The following OR2A14 variants were observed in gnomAD, a reference collection of about 807,000 sequenced individuals.
The protein encoded by OR2A14 is olfactory receptor family 2 subfamily A member 14, also known as olfactory receptor 2A14.
Under a neutral mutation model 2.4 loss-of-function variants are expected in OR2A14, and 2 were observed. That is an observed-to-expected ratio of 0.85 (90% confidence interval 0.35 to 2.67). The LOEUF is 2.67. Ranked by LOEUF, OR2A14 falls within the 30% of genes most tolerant of loss-of-function variation. OR2A14 has a pLI of 0.10. For missense variants in OR2A14, 390 were observed against 379.4 expected (o/e 1.03, Z -0.23); for synonymous variants, 160 against 156.3 (o/e 1.02, Z -0.18).
chr7:144,128,924 ATTC>A (rs1185557885), intron 1 of OR2A14, 152 bp from the exon 2 acceptor site: 4 of 578,798 alleles, frequency 6.9e-6, no homozygotes, highest in African/African-American at 3.9e-5. Context: ...ACATGTATGT[ATTC>A]TTATTATTCC....
chr7:144,128,188 C>A (rs2051496618), intron 1 of OR2A14, among the ~76,000 whole-genome samples: 2 of 152,122 alleles, frequency 1.3e-5, no homozygotes, highest in South Asian at 4.1e-4. Context: ...AAGTTATAAT[C>A]GAGAAAAGAG....
rs1376098117 is a variant in OR2A14 at position 144,130,634 on chromosome 7, A to G, written c.*589A>G. The G allele has an allele frequency of 1.3e-5, 2 of 152,252 alleles. No individual in the cohort carries two copies. The highest frequency in any genetic ancestry group is 6.5e-5 in the Admixed American group (1 of 15,280). 9.4% of individuals were successfully genotyped at this position (152,252 alleles called of 1,614,324 possible). A position where few individuals can be genotyped will look rare whatever the true frequency, so the allele number is the denominator to read the frequency against. The stretch of plus-strand genomic sequence containing the variant: ...CCCACTAAGATGTCTGAAATTTTTA[A>G]TGGCTTATTTATCATTGAGGTTATT... On this transcript the variant is annotated 3_prime_UTR_variant, in exon 2 of 2. Coordinates refer to ENST00000641068, the MANE Select transcript of OR2A14 (RefSeq NM_001001659.3).
chr7:144,131,159 C>G lies in OR2A14; in HGVS notation c.*1114C>G, dbSNP rs1426906622. On this transcript the variant is annotated 3_prime_UTR_variant, in exon 2 of 2. Transcript: ENST00000641068. Reference sequence around the variant, plus strand: ...TCTAAAATATGCCATGACTCAATAGCCAGTGGACTGTAAATATTCATGGTT... The same window carrying G: ...TCTAAAATATGCCATGACTCAATAGGCAGTGGACTGTAAATATTCATGGTT... 2 of 152,166 alleles carry G rather than the reference C, an allele frequency of 1.3e-5. No individual in the cohort carries two copies. Among genetic ancestry groups the G allele is most frequent in the African/African-American group, 4.8e-5 (2 of 41,444 alleles). 9.4% of individuals were successfully genotyped at this position (152,166 alleles called of 1,614,324 possible). A position where few individuals can be genotyped will look rare whatever the true frequency, so the allele number is the denominator to read the frequency against.
chr7:144,128,909 C>G (rs2961159), intron 1 of OR2A14, 170 bp from the exon 2 acceptor site: 309,697 of 568,218 alleles, frequency 0.55, 86,473 homozygotes, highest in East Asian at 0.75. Flanking sequence ...TATATATACA[C>G]ATATACATGT....
In OR2A14 at chr7:144,130,503, T is replaced by C. The variant is rs2051523907; in HGVS notation, c.*458T>C. ...AAAATTAGCAAAACATGTGAACATA[T>C]ACTCTTACAGAAAATACAAGGGGCT... is the stretch of plus-strand genomic sequence containing the variant. On this transcript the variant is annotated 3_prime_UTR_variant, in exon 2 of 2. Transcript: ENST00000641068. 1 of 155,082 alleles carries C rather than the reference T, an allele frequency of 6.4e-6. No individual in the cohort carries two copies. Among genetic ancestry groups the C allele is most frequent in the Non-Finnish European group, 1.4e-5 (1 of 69,852 alleles). 9.6% of individuals were successfully genotyped at this position (155,082 alleles called of 1,614,324 possible).
At position 144,129,743 on chromosome 7, in the gene OR2A14, T is replaced by A; in HGVS notation, c.631T>A (p.Cys211Ser). ...ACVFILVGPLCLVLVSYLRIL... is the reference protein window; with the variant it reads ...ACVFILVGPLSLVLVSYLRIL... ...CGTGTTCATCCTGGTGGGGCCACTC[T>A]GCCTGGTGCTGGTCTCCTACTTGCG... Residue 211 changes from cysteine (C) to serine (S), a missense_variant, in exon 2 of 2, where the codon TGC becomes AGC. Physicochemically the swap from Cys to Ser is moderately radical, Grantham distance 112 (BLOSUM62 -1). Coordinates refer to ENST00000641068, the MANE Select transcript of OR2A14 (RefSeq NM_001001659.3). The A allele has an allele frequency of 6.2e-7, 1 of 1,614,056 alleles. No homozygotes were observed. Among genetic ancestry groups the A allele is most frequent in the South Asian group, 1.1e-5 (1 of 91,072 alleles).
rs906340581 is a variant in OR2A14 at position 144,123,247 on chromosome 7, A to G, written c.-52A>G. 6.6e-6 allele frequency: 1 copy of G among 152,140 alleles called. No homozygotes were observed. Among genetic ancestry groups the G allele is most frequent in the Admixed American group, 6.5e-5 (1 of 15,278 alleles). The allele number at this position is 152,140 out of a possible 1,614,324, so 9.4% of individuals were successfully genotyped here. A position where few individuals can be genotyped will look rare whatever the true frequency, so the allele number is the denominator to read the frequency against. On this transcript the variant is annotated 5_prime_UTR_variant, in exon 1 of 2. Transcript: ENST00000641068. ...GCCCAAGGGTATGTTAGAAGAAAAGACCACAGATTATTGTACTGTAAGTAA... is the reference window on the plus strand; with the variant it reads ...GCCCAAGGGTATGTTAGAAGAAAAGGCCACAGATTATTGTACTGTAAGTAA...
At chr7:144,124,325 G>A (rs2051466447) in intron 1 of OR2A14, among the ~76,000 whole-genome samples, 1 of 152,080 alleles carries the variant, frequency 6.6e-6, no homozygotes, top group Admixed American at 6.5e-5. Context: ...AGCCAGGCAT[G>A]GTGGTGCATG....
At chr7:144,125,310 T>C (rs2051474416) in intron 1 of OR2A14, among the ~76,000 whole-genome samples, 1 of 152,190 alleles carries the variant, frequency 6.6e-6, no homozygotes, top group Non-Finnish European at 1.5e-5. Flanking sequence ...AACAGAAAAA[T>C]GTATCCATGC....
intron 1 of OR2A14, among the ~76,000 whole-genome samples, chr7:144,125,141 T>A (rs1391349504): frequency 6.6e-6 from 1 of 152,224 alleles, no homozygotes; most frequent in Non-Finnish European, 1.5e-5. Context: ...CATTTGACAA[T>A]AATGAGCCTT....
chr7:144,129,799 T>C lies in OR2A14; in HGVS notation c.687T>C (p.Ser229=). Residue 229 remains serine, a synonymous_variant, in exon 2 of 2, where the codon TCT becomes TCC. Coordinates refer to ENST00000641068, the MANE Select transcript of OR2A14 (RefSeq NM_001001659.3). ...RILAAILRIQ[S]GEGRRKAFST... is the part of the protein sequence containing the mutation. ...TGGCCGCCATCTTGAGGATCCAGTC[T>C]GGGGAGGGCCGCAGAAAGGCCTTCT... is the stretch of plus-strand genomic sequence containing the variant. 4 of 1,614,104 alleles carry C rather than the reference T, an allele frequency of 2.5e-6. 1 individual carries two copies. Among genetic ancestry groups the C allele is most frequent in the South Asian group, 1.1e-5 (1 of 91,072 alleles).
intron 1 of OR2A14, among the ~76,000 whole-genome samples, chr7:144,128,090 C>T (rs944674375): frequency 6.6e-6 from 1 of 152,140 alleles, no homozygotes; most frequent in Non-Finnish European, 1.5e-5. Flanking sequence ...CGACAGCAAC[C>T]CCAGTTGCCA....
At chr7:144,124,182 G>T (rs1357760354) in intron 1 of OR2A14, among the ~76,000 whole-genome samples, 4 of 152,140 alleles carry the variant, frequency 2.6e-5, no homozygotes, top group African/African-American at 9.7e-5. Flanking sequence ...CTAGGCTGCG[G>T]CCGGGTGCAG....
chr7:144,130,105 C>G lies in OR2A14; in HGVS notation c.*60C>G. ...GCTCCCTGCAAAATATAGAAGTTGG[C>G]TTTTTTTTTTTGTCTTCTGCTAGAA... On this transcript the variant is annotated 3_prime_UTR_variant, in exon 2 of 2. Coordinates refer to ENST00000641068, the MANE Select transcript of OR2A14 (RefSeq NM_001001659.3). The G allele has an allele frequency of 9.1e-7, 1 of 1,096,802 alleles. No homozygotes were observed. Among genetic ancestry groups the G allele is most frequent in the Non-Finnish European group, 1.3e-6 (1 of 777,112 alleles). 67.9% of individuals were successfully genotyped at this position (1,096,802 alleles called of 1,614,324 possible). A position where few individuals can be genotyped will look rare whatever the true frequency, so the allele number is the denominator to read the frequency against.
intron 1 of OR2A14, 33 bp downstream of exon 1, chr7:144,123,297 G>A (rs1475129535): frequency 1.3e-5 from 2 of 152,190 alleles, no homozygotes; most frequent in African/African-American, 4.8e-5. Flanking sequence ...CCTTGAGAAA[G>A]GGTTTACAGA....
In OR2A14 at chr7:144,129,334, C is replaced by T. The variant is rs1299700061; in HGVS notation, c.222C>T (p.Ser74=). The T allele has an allele frequency of 1.2e-6, 2 of 1,614,056 alleles. No individual in the cohort carries two copies. The highest frequency in any genetic ancestry group is 1.3e-5 in the African/African-American group (1 of 74,916). The change falls in exon 2 of 2, where the codon TCC becomes TCT. Residue 74 remains serine, a synonymous_variant. Transcript: ENST00000641068. ...HLAIVDISYA[S]NYVPKMLTNL... Reference sequence around the variant, plus strand: ...CCATTGTTGACATATCCTATGCTTCCAACTATGTCCCCAAGATGCTGACGA... The same window carrying T: ...CCATTGTTGACATATCCTATGCTTCTAACTATGTCCCCAAGATGCTGACGA...
rs2051508356 is a variant in OR2A14, at chr7:144,129,244, C to A, written c.132C>A (p.Ile44=). 1 of 1,614,052 alleles carries A rather than the reference C, an allele frequency of 6.2e-7. No individual in the cohort carries two copies. The highest frequency in any genetic ancestry group is 2.2e-5 in the East Asian group (1 of 44,884). The change falls in exon 2 of 2, where the codon ATC becomes ATA. Residue 44 remains isoleucine, a synonymous_variant. Coordinates refer to ENST00000641068, the MANE Select transcript of OR2A14 (RefSeq NM_001001659.3). Reference sequence around the variant, plus strand: ...TCACCCTGCTGGGGAATGGGGTCATCTTTGGGATTATCTGCCTGGACTGTA... The same window carrying A: ...TCACCCTGCTGGGGAATGGGGTCATATTTGGGATTATCTGCCTGGACTGTA... ...YTLTLLGNGV[I]FGIICLDCKL...
chr7:144,124,810 T>C (rs2051470489), intron 1 of OR2A14, among the ~76,000 whole-genome samples: 1 of 151,980 alleles, frequency 6.6e-6, no homozygotes, highest in African/African-American at 2.4e-5. Context: ...TTCAAAGGAG[T>C]CTTCCATTTC....
rs1206707199 is a variant in OR2A14 at position 144,129,525 on chromosome 7, G to C, written c.413G>C (p.Arg138Thr). ...CGTTACAATAGCCTCATGAGCTGGA[G>C]AGTGTGCACTGTCCTGGCTGTGGCT... is the stretch of plus-strand genomic sequence containing the variant. ...PLRYNSLMSW[R>T]VCTVLAVASW... Residue 138 changes from arginine to threonine, a missense_variant, in exon 2 of 2, where the codon AGA (arginine) becomes ACA (threonine). By Grantham distance (71) the Arg-to-Thr change is moderately conservative (BLOSUM62 -1). Coordinates refer to ENST00000641068, the MANE Select transcript of OR2A14 (RefSeq NM_001001659.3). The C allele has an allele frequency of 6.2e-7, 1 of 1,614,156 alleles. No individual in the cohort carries two copies. The highest frequency in any genetic ancestry group is 8.5e-7 in the Non-Finnish European group (1 of 1,179,998).
Sources: gnomAD v4.1 joint callset for allele counts (sites outside exome capture counted in the v4.1 genomes callset) on GRCh38, gnomAD v4.1.1 for gene constraint, MANE v1.5 for transcripts, NCBI Gene and HGNC (gene_info 2026-07-23, HGNC 2026-07-21) for gene names.